The following TPD52 variants were observed in gnomAD, a reference collection of about 807,000 sequenced individuals.
TPD52 encodes tumor protein D52.
In TPD52, 17 loss-of-function variants were observed where a neutral mutation model predicts 31.3. That is an observed-to-expected ratio of 0.54 (90% CI 0.37 to 0.82). The LOEUF (loss-of-function observed/expected upper bound fraction) is 0.82. Among genes scored for constraint, TPD52 ranks in the 40% least tolerant of loss-of-function variants. The probability of loss-of-function intolerance (pLI) is 0.00; values close to 1 mark genes in which losing one functional copy is unlikely to be tolerated. For missense variants in TPD52, 212 were observed against 240.1 expected (o/e 0.88, Z 0.77); for synonymous variants, 83 against 89.6 (o/e 0.93, Z 0.42).
At chr8:80,060,747 T>C (rs1223902728) in intron 2 of TPD52, among the ~76,000 whole-genome samples, 1 of 151,694 alleles carries the variant, frequency 6.6e-6, no homozygotes. Flanking sequence ...AAAAAAAGCA[T>C]TTCATAAAAA....
intron 1 of TPD52, among the ~76,000 whole-genome samples, chr8:80,133,453 C>T (rs1214636729): frequency 6.6e-6 from 1 of 152,154 alleles, no homozygotes; most frequent in Admixed American, 6.5e-5. Context: ...TTCCTTCTTC[C>T]CTCCAAAACC....
chr8:80,154,144 A>C (rs554842685), intron 1 of TPD52, among the ~76,000 whole-genome samples: 1 of 152,328 alleles, frequency 6.6e-6, no homozygotes, highest in African/African-American at 2.4e-5. Flanking sequence ...AAATGAACAC[A>C]CCTTTAAAAT....
chr8:80,051,319 T>C (rs528430102), intron 4 of TPD52: 1 of 559,000 alleles, frequency 1.8e-6, no homozygotes, highest in African/African-American at 2.0e-5. Flanking sequence ...CAACCTTAAA[T>C]GATCATCAGA....
At chr8:80,139,176 C>A (rs2131131501) in intron 1 of TPD52, among the ~76,000 whole-genome samples, 1 of 152,288 alleles carries the variant, frequency 6.6e-6, no homozygotes, top group South Asian at 2.1e-4. Context: ...GCCTAAGACA[C>A]TGGCAGGGAG....
At chr8:80,031,634 G>A (rs992967536), downstream of TPD52, among the ~76,000 whole-genome samples, 3 of 152,098 alleles carry the variant, frequency 2.0e-5, no homozygotes, top group African/African-American at 7.2e-5. Context: ...GAGGAGGGAG[G>A]ATTGCTTGAG....
chr8:80,064,890 A>C, intron 1 of TPD52: 1 of 545,592 alleles, frequency 1.8e-6, no homozygotes, highest in Non-Finnish European at 3.5e-6. Context: ...AGGGCCCAAA[A>C]TGAGATCTTG....
At chr8:80,094,430 T>TTATATATATATA (rs61266725) in intron 1 of TPD52, among the ~76,000 whole-genome samples, 10 of 53,702 alleles carry the variant, frequency 1.9e-4, no homozygotes, top group South Asian at 5.8e-4. Context: ...AAAGAAAATT[T>TTATATATATATA]TATATATATA....
At chr8:80,136,543 A>G (rs56962868) in intron 1 of TPD52, among the ~76,000 whole-genome samples, 5 of 150,282 alleles carry the variant, frequency 3.3e-5, no homozygotes, top group South Asian at 2.1e-4. Context: ...AAAAAAAAAA[A>G]AAAAAAAAGA....
rs968724515 is a variant in TPD52, at chr8:80,081,526, CA to C, written c.20-16934del. 1.1e-3 allele frequency among the ~76,000 whole-genome samples: 158 copies of C among 147,904 alleles called. 1 individual carries two copies. Among genetic ancestry groups the C allele is most frequent in the African/African-American group, 3.6e-3 (147 of 40,352 alleles). On this transcript the variant is annotated intron_variant, in intron 1 of 7. Coordinates refer to ENST00000518937, the MANE Select transcript of TPD52 (RefSeq NM_001025253.3). ...TGGGCAATGATCTGTTACTGCATAA[CA>C]AAAAAAAAGGCAGTGTTCTAATCTA...
chr8:80,137,250 T>C (rs956119383), intron 1 of TPD52, among the ~76,000 whole-genome samples: 9 of 152,318 alleles, frequency 5.9e-5, no homozygotes, highest in Admixed American at 5.2e-4. Flanking sequence ...GATGAAAATA[T>C]TCTAAAATTA....
At chr8:80,142,776 A>G (rs1422173931) in intron 1 of TPD52, among the ~76,000 whole-genome samples, 1 of 152,170 alleles carries the variant, frequency 6.6e-6, no homozygotes, top group African/African-American at 2.4e-5. Flanking sequence ...TCTCCCTTAC[A>G]GTCCCATTAA....
chr8:80,102,223 C>T (rs1372594271), intron 1 of TPD52, among the ~76,000 whole-genome samples: 2 of 152,200 alleles, frequency 1.3e-5, no homozygotes, highest in African/African-American at 2.4e-5. Flanking sequence ...GCAGGCAAGC[C>T]CTCAGGCAGG....
chr8:80,095,961 C>G (rs1563622610), intron 1 of TPD52, among the ~76,000 whole-genome samples: 1 of 151,866 alleles, frequency 6.6e-6, no homozygotes, highest in Non-Finnish European at 1.5e-5. Flanking sequence ...TACATACATA[C>G]ATACATACTA....
chr8:80,099,577 C>T (rs752832106), intron 1 of TPD52, among the ~76,000 whole-genome samples: 19 of 141,758 alleles, frequency 1.3e-4, no homozygotes, highest in Non-Finnish European at 2.3e-4. Flanking sequence ...GTGGTGTGAT[C>T]TCGGCTCACT....
chr8:80,160,924 T>C (rs554034039), intron 1 of TPD52, among the ~76,000 whole-genome samples: 2 of 143,052 alleles, frequency 1.4e-5, no homozygotes, highest in African/African-American at 5.3e-5. Flanking sequence ...TAGCCCGGCA[T>C]GGTGGCACAT....
intron 1 of TPD52, among the ~76,000 whole-genome samples, chr8:80,121,522 A>G (rs1221102178): frequency 4.6e-5 from 7 of 152,196 alleles, no homozygotes; most frequent in Non-Finnish European, 1.0e-4. Context: ...CAGCAAACTA[A>G]CAAATACATT....
chr8:80,081,309 G>A (rs1371561823), intron 1 of TPD52, among the ~76,000 whole-genome samples: 5 of 152,092 alleles, frequency 3.3e-5, no homozygotes, highest in African/African-American at 1.2e-4. Flanking sequence ...ATAAACCTGC[G>A]TACCCACCCT....
intron 1 of TPD52, among the ~76,000 whole-genome samples, chr8:80,136,299 TG>T (rs1476477684): frequency 6.7e-6 from 1 of 148,712 alleles, no homozygotes; most frequent in Non-Finnish European, 1.5e-5. Context: ...CCGAGACGGG[TG>T]GATCATAAGG....
chr8:80,171,301 C>G, intron 1 of TPD52, 124 bp downstream of exon 1: 1 of 1,289,300 alleles, frequency 7.8e-7, no homozygotes, highest in East Asian at 2.5e-5. Context: ...ACTTGCGGCG[C>G]CGGCCCAGGA....
Sources: gnomAD v4.1 joint callset for allele counts (sites outside exome capture counted in the v4.1 genomes callset) on GRCh38, gnomAD v4.1.1 for gene constraint, MANE v1.5 for transcripts, NCBI Gene and HGNC (gene_info 2026-07-23, HGNC 2026-07-21) for gene names.